Variants in TNXB observed in about 807,000 individuals in gnomAD.
TNXB encodes the protein tenascin-X.
Under a neutral mutation model 340.5 loss-of-function variants are expected in TNXB, and 183 were observed. The observed-to-expected ratio is 0.54, with a 90% CI of 0.48 to 0.61. The LOEUF (loss-of-function observed/expected upper bound fraction) is 0.61. Ranked by LOEUF, TNXB falls within the 20% of genes least tolerant of loss-of-function variation. The pLI is 0.00. For missense variants in TNXB, 4,613 were observed against 5,446.4 expected (o/e 0.85, Z 4.82); for synonymous variants, 2,121 against 2,314.5 (o/e 0.92, Z 2.40).
At position 32,096,398 on chromosome 6, in the gene TNXB, C is replaced by T. The variant is rs751182869; in HGVS notation, c.1455G>A (p.Pro485=). ...TGCCGCAGTCCCGGCCTGTGTACCC[C>T]GGCCAACACATGCAGCGGCCACTCT... ...RCESGRCMCW[P]GYTGRDCGTR... Residue 485 remains proline (P), a synonymous_variant, in exon 3 of 44, where the codon CCG becomes CCA. Transcript: ENST00000644971. The T allele has an allele frequency of 3.8e-6, 6 of 1,576,840 alleles. No homozygotes were observed. The highest frequency in any genetic ancestry group is 1.1e-5 in the South Asian group (1 of 87,448).
rs538898385 is a variant in TNXB, at chr6:32,056,427, C to T, written c.8143+159G>A. ...TGGCCCCTCCCTGCTCAGGAGGAGC[C>T]AGGGGTCAGCCTCAGAGGAAGGCCC... is the stretch of plus-strand genomic sequence containing the variant. On this transcript the variant is annotated intron_variant, in intron 23 of 43. Coordinates refer to ENST00000644971, the MANE Select transcript of TNXB (RefSeq NM_001365276.2). 9.9e-5 allele frequency among the ~76,000 whole-genome samples: 15 copies of T among 152,226 alleles called. No homozygotes were observed. In the East Asian group the frequency reaches 2.7e-3, roughly 27 times the overall value.
intron 1 of TNXB, among the ~76,000 whole-genome samples, chr6:32,102,092 A>C (rs868833477): frequency 1.3e-4 from 20 of 152,320 alleles, no homozygotes; most frequent in African/African-American, 4.8e-4. Flanking sequence ...AACCACAATA[A>C]GATGCCACTA....
Position 32,070,044 on chromosome 6 carries a change from T to C in TNXB, c.5278+83A>G. On this transcript the variant is annotated intron_variant, in intron 14 of 43. Coordinates refer to ENST00000644971, the MANE Select transcript of TNXB (RefSeq NM_001365276.2). The surrounding 1 kb of genome is among the most constrained non-coding windows in gnomAD (Gnocchi z 6.0). ...GAGCCGAGTGGCTGGGGCCAAATAA[T>C]GGTAATGGCAGCCACCACAAGTGAC... The C allele has an allele frequency of 6.9e-7, 1 of 1,443,226 alleles. No individual in the cohort carries two copies. Among genetic ancestry groups the C allele is most frequent in the South Asian group, 1.5e-5 (1 of 67,720 alleles). The allele number at this position is 1,443,226 out of a possible 1,614,324, so 89.4% of individuals were successfully genotyped here.
chr6:32,084,468 C>A lies in TNXB; in HGVS notation c.3390G>T (p.Leu1130=), dbSNP rs776117880. Residue 1130 remains leucine (L), a synonymous_variant, in exon 8 of 44, where the codon CTG becomes CTT. Coordinates refer to ENST00000644971, the MANE Select transcript of TNXB (RefSeq NM_001365276.2). The surrounding 1 kb of genome is among the most constrained non-coding windows in gnomAD (Gnocchi z 5.5). ...GCCTCTTCTTGCCAACAAACCCATACAGGACAAATTTGTACTTGCGGCCAG... is the reference window on the plus strand; with the variant it reads ...GCCTCTTCTTGCCAACAAACCCATAAAGGACAAATTTGTACTTGCGGCCAG... ...LDPGRKYKFV[L]YGFVGKKRHG... The A allele has an allele frequency of 6.2e-7, 1 of 1,606,330 alleles. No individual in the cohort carries two copies. Among genetic ancestry groups the A allele is most frequent in the South Asian group, 1.1e-5 (1 of 89,966 alleles).
At chr6:32,103,688 T>C (rs2127302540) in intron 1 of TNXB, among the ~76,000 whole-genome samples, 1 of 152,070 alleles carries the variant, frequency 6.6e-6, no homozygotes, top group East Asian at 1.9e-4. Context: ...TGCTTGACCT[T>C]TGACTTCTCT....
Position 32,073,880 on chromosome 6 carries a change from G to C in TNXB, c.4448C>G (p.Thr1483Arg). 1 of 1,610,532 alleles carries C rather than the reference G, an allele frequency of 6.2e-7. No homozygotes were observed. The highest frequency in any genetic ancestry group is 1.1e-5 in the South Asian group (1 of 90,376). Residue 1483 changes from threonine (T) to arginine (R), a missense_variant, in exon 12 of 44, where the codon ACA becomes AGA. Transcript: ENST00000644971. The surrounding 1 kb of genome is among the most constrained non-coding windows in gnomAD (Gnocchi z 4.6). ...GCCCACAGAGTTGGGGGTCACATCT[G>C]TCACTGTCAGCTCTCCTAGGCGTGG... ...LEPRLGELTVTDVTPNSVGLS... is the reference protein window; with the variant it reads ...LEPRLGELTVRDVTPNSVGLS...
chr6:32,062,545 T>G lies in TNXB; in HGVS notation c.6842-62A>C. ...GGGCCTCCTTTTAACCAAGGGACTC[T>G]GGGATTCTCTTAGACACACCAAGGG... On this transcript the variant is annotated intron_variant, in intron 19 of 43. Transcript: ENST00000644971. The surrounding 1 kb of genome is among the most constrained non-coding windows in gnomAD (Gnocchi z 4.3). 2 of 1,466,930 alleles carry G rather than the reference T, an allele frequency of 1.4e-6. No individual in the cohort carries two copies. The highest frequency in any genetic ancestry group is 2.1e-5 in the Admixed American group (1 of 47,452). The allele number at this position is 1,466,930 out of a possible 1,614,324, so 90.9% of individuals were successfully genotyped here.
rs777302650 is a variant in TNXB, at chr6:32,096,781, C to T, written c.1072G>A (p.Val358Met). Residue 358 changes from valine (V) to methionine (M), a missense_variant, in exon 3 of 44, where the codon GTG (valine) becomes ATG (methionine). Physicochemically the swap from Val to Met is conservative, Grantham distance 21 (BLOSUM62 1). Around this residue, in one of 7 missense-constraint regions of TNXB, gnomAD observed 4,327 missense variants for 4,859.4 expected, o/e 0.89. Coordinates refer to ENST00000644971, the MANE Select transcript of TNXB (RefSeq NM_001365276.2). ...EGGRCVDGRC[V>M]CWPGYTGEDC... Reference sequence around the variant, plus strand: ...TCGCCTGTGTACCCGGGCCAGCACACGCAGCGGCCGTCCACGCAGCGCCCG... The same window carrying T: ...TCGCCTGTGTACCCGGGCCAGCACATGCAGCGGCCGTCCACGCAGCGCCCG... 1.9e-6 allele frequency: 3 copies of T among 1,571,188 alleles called. No individual in the cohort carries two copies. The highest frequency in any genetic ancestry group is 2.6e-6 in the Non-Finnish European group (3 of 1,159,812).
chr6:32,062,880 C>A lies in TNXB; in HGVS notation c.6842-397G>T, dbSNP rs1162214566. ...ACCATCCTGGCTAACACTGTGAAAC[C>A]CCGTCTTTACTAAAAATACAAAAAA... On this transcript the variant is annotated intron_variant, in intron 19 of 43. Transcript: ENST00000644971. The surrounding 1 kb of genome is among the most constrained non-coding windows in gnomAD (Gnocchi z 4.3). Among the ~76,000 whole-genome samples the A allele has an allele frequency of 6.7e-6, 1 of 149,656 alleles. No individual in the cohort carries two copies. Among genetic ancestry groups the A allele is most frequent in the African/African-American group, 2.5e-5 (1 of 40,566 alleles).
chr6:32,070,251 G>A lies in TNXB; in HGVS notation c.5154C>T (p.Pro1718=), dbSNP rs760742114. 9.9e-6 allele frequency: 16 copies of A among 1,612,834 alleles called. No individual in the cohort carries two copies. The highest frequency in any genetic ancestry group is 3.3e-5 in the South Asian group (3 of 90,898). ...TGACAGAGCGCTCATGGCCCTCCAC[G>A]GGCACCACCTGGGGCCCGTCTTTGT... ...FKDKDGPQVV[P]VEGHERSVTV... The change falls in exon 14 of 44, where the codon CCC becomes CCT. Residue 1718 remains proline, a synonymous_variant. Transcript: ENST00000644971. The surrounding 1 kb of genome is among the most constrained non-coding windows in gnomAD (Gnocchi z 6.0).
At position 32,048,491 on chromosome 6, in the gene TNXB, A is replaced by T; in HGVS notation, c.9917T>A (p.Val3306Glu). 1 of 1,601,782 alleles carries T rather than the reference A, an allele frequency of 6.2e-7. No individual in the cohort carries two copies. Among genetic ancestry groups the T allele is most frequent in the Non-Finnish European group, 8.5e-7 (1 of 1,175,042 alleles). Residue 3306 changes from valine (V) to glutamate (E), a missense_variant, in exon 29 of 44, where the codon GTG becomes GAG. Transcript: ENST00000644971. ...CGCTCGGAGGTCTCCGCTCACAGGCACTGCCTGGGGCTGCCCCTGCGCGTC... is the reference window on the plus strand; with the variant it reads ...CGCTCGGAGGTCTCCGCTCACAGGCTCTGCCTGGGGCTGCCCCTGCGCGTC... ...YRDAQGQPQA[V>E]PVSGDLRAVA...
Position 32,068,966 on chromosome 6 carries a change from C to T in TNXB, c.5758G>A (p.Gly1920Arg), listed in dbSNP as rs776795346. 4.3e-6 allele frequency: 7 copies of T among 1,612,776 alleles called. No individual in the cohort carries two copies. The highest frequency in any genetic ancestry group is 2.2e-5 in the East Asian group (1 of 44,902). ...SFEIQYTDRD[G>R]QLQMVRIGGD... ...CCTATGCGGACCATTTGGAGTTGCC[C>T]GTCTCTATCTGTGTACTGGATTTCG... Residue 1920 changes from glycine (G) to arginine (R), a missense_variant, in exon 16 of 44, where the codon GGG becomes AGG. This residue lies in a region of TNXB where 4,327 missense variants were observed against 4,859.4 expected (regional missense o/e 0.89). Transcript: ENST00000644971. This position sits in a 1 kb window ranked among gnomAD's most constrained non-coding sequence, Gnocchi z 5.3.
In TNXB at chr6:32,095,180, T is replaced by A; in HGVS notation, c.2254A>T (p.Ile752Phe). The A allele has an allele frequency of 1.3e-6, 2 of 1,549,692 alleles. No individual in the cohort carries two copies. Among genetic ancestry groups the A allele is most frequent in the Middle Eastern group, 1.7e-4 (1 of 5,990 alleles). ...AAGAGATGCATCCTCATGCCCTCAA[T>A]GGTTGGCACCTCTGCCCAAGAGAAT... is the stretch of plus-strand genomic sequence containing the variant. ...GEDCGEEVPT[I>F]EGMRMHLLEE... Residue 752 changes from isoleucine (I) to phenylalanine (F), a missense_variant, in exon 4 of 44, where the codon ATT becomes TTT. Ile to Phe is a conservative substitution (Grantham distance 21). Coordinates refer to ENST00000644971, the MANE Select transcript of TNXB (RefSeq NM_001365276.2).
rs1255268491 is a variant in TNXB at position 32,084,258 on chromosome 6, C to G, written c.3445+155G>C. ...CAGGCTGCACTGAGCTTCTCAAACT[C>G]TTTGCCTGCCCCACCACTACTTTCC... is the stretch of plus-strand genomic sequence containing the variant. On this transcript the variant is annotated intron_variant, in intron 8 of 43. Coordinates refer to ENST00000644971, the MANE Select transcript of TNXB (RefSeq NM_001365276.2). This position sits in a 1 kb window ranked among gnomAD's most constrained non-coding sequence, Gnocchi z 5.5. 6.6e-6 allele frequency among the ~76,000 whole-genome samples: 1 copy of G among 152,238 alleles called. No homozygotes were observed. The highest frequency in any genetic ancestry group is 1.5e-5 in the Non-Finnish European group (1 of 68,042).
At chr6:32,104,353 G>A (rs1224665044) in intron 1 of TNXB, among the ~76,000 whole-genome samples, 2 of 151,850 alleles carry the variant, frequency 1.3e-5, no homozygotes, top group African/African-American at 2.4e-5. Flanking sequence ...TCTCCACTTG[G>A]GCACCTCAAA....
intron 1 of TNXB, among the ~76,000 whole-genome samples, chr6:32,102,225 G>T (rs1292361253): frequency 6.6e-6 from 1 of 152,192 alleles, no homozygotes; most frequent in Non-Finnish European, 1.5e-5. Context: ...GCAAACACTG[G>T]AAAGTTGTTT....
chr6:32,093,061 A>G (rs1780152104), intron 4 of TNXB, among the ~76,000 whole-genome samples: 1 of 152,234 alleles, frequency 6.6e-6, no homozygotes, highest in Non-Finnish European at 1.5e-5. Context: ...ATTTACTCAG[A>G]GCAGGAGACA....
Position 32,082,259 on chromosome 6 carries a change from G to A in TNXB, c.3513C>T (p.Thr1171=). ...HLGNLWVTDP[T]PDSLHLSWTV... is the part of the protein sequence containing the mutation. ...TCCAGGAGAGGTGCAGTGAATCTGG[G>A]GTAGGGTCTGTCACCCACAGGTTTC... is the stretch of plus-strand genomic sequence containing the variant. Residue 1171 remains threonine, a synonymous_variant, in exon 9 of 44, where the codon ACC becomes ACT. Coordinates refer to ENST00000644971, the MANE Select transcript of TNXB (RefSeq NM_001365276.2). The surrounding 1 kb of genome is among the most constrained non-coding windows in gnomAD (Gnocchi z 5.0). 1 of 1,607,324 alleles carries A rather than the reference G, an allele frequency of 6.2e-7. No homozygotes were observed. The highest frequency in any genetic ancestry group is 2.2e-5 in the East Asian group (1 of 44,828).
rs764342871 is a variant in TNXB at position 32,056,589 on chromosome 6, T to G, written c.8140A>C (p.Thr2714Pro). ...GGGGCTGCCATCATCCACTCACCCG[T>G]CACCCCAATGACAGAGATGGGGCCC... ...RVGPISVIGV[T>P]AAEEETPSPT... Residue 2714 changes from threonine (T) to proline (P), a missense_variant, in exon 23 of 44, where the codon ACG becomes CCG. Around this residue, in one of 7 missense-constraint regions of TNXB, gnomAD observed 4,327 missense variants for 4,859.4 expected, o/e 0.89. Coordinates refer to ENST00000644971, the MANE Select transcript of TNXB (RefSeq NM_001365276.2). 8 of 1,612,728 alleles carry G rather than the reference T, an allele frequency of 5.0e-6. No homozygotes were observed. The highest frequency in any genetic ancestry group is 1.7e-5 in the Admixed American group (1 of 59,982).
Sources: allele counts gnomAD v4.1 joint callset (sites outside exome capture counted in the v4.1 genomes callset), GRCh38; gene constraint gnomAD v4.1.1; regional missense constraint gnomAD v4.1.1; non-coding constraint Gnocchi (gnomAD v3.1); transcripts MANE v1.5; gene names NCBI Gene and HGNC (gene_info 2026-07-23, HGNC 2026-07-21).